The following RYR1 variants were observed in gnomAD, a reference collection of about 807,000 sequenced individuals.
The protein encoded by RYR1 is ryanodine receptor 1, also known as central core disease of muscle.
In RYR1, 342 loss-of-function variants were observed where a neutral mutation model predicts 583.5. That is an observed-to-expected ratio of 0.59 (90% CI 0.54 to 0.64). RYR1 has a LOEUF of 0.64. RYR1 is among the 30% of genes least tolerant of loss of function. The probability of loss-of-function intolerance (pLI) is 0.00; values close to 1 mark genes in which losing one functional copy is unlikely to be tolerated. For synonymous variants in RYR1, 2,791 were observed against 2,822.5 expected (o/e 0.99, Z 0.35); for missense variants, 6,032 against 6,917.2 (o/e 0.87, Z 4.54).
intron 23 of RYR1, among the ~76,000 whole-genome samples, chr19:38,465,404 G>A (rs1339166300): frequency 6.6e-6 from 1 of 152,118 alleles, no homozygotes; most frequent in Non-Finnish European, 1.5e-5. Context: ...GGAGTTTGAG[G>A]CTGCAGTGAG....
At position 38,512,836 on chromosome 19, in the gene RYR1, C is replaced by T. The variant is rs1002764353; in HGVS notation, c.9472+353C>T. The stretch of plus-strand genomic sequence containing the variant: ...AAGAAAAATTTAAAGATTAGCCAGG[C>T]ATGGAGGCACATGCCTGTAATCCCA... On this transcript the variant is annotated intron_variant, in intron 63 of 105. Coordinates refer to ENST00000359596, the MANE Select transcript of RYR1 (RefSeq NM_000540.3). The surrounding 1 kb of genome is among the most constrained non-coding windows in gnomAD (Gnocchi z 5.1). Among the ~76,000 whole-genome samples, 2 of 151,624 alleles carry T rather than the reference C, an allele frequency of 1.3e-5. No individual in the cohort carries two copies. The highest frequency in any genetic ancestry group is 4.8e-5 in the African/African-American group (2 of 41,262).
At chr19:38,468,064 C>CCAT (rs1555774315) in intron 25 of RYR1, among the ~76,000 whole-genome samples, 1 of 54,786 alleles carries the variant, frequency 1.8e-5, no homozygotes, top group Non-Finnish European at 3.9e-5. Context: ...ATCCATCCAT[C>CCAT]CATCCATCCA....
chr19:38,469,060 T>C lies in RYR1; in HGVS notation c.3476T>C (p.Ile1159Thr). 1 of 1,614,116 alleles carries C rather than the reference T, an allele frequency of 6.2e-7. No individual in the cohort carries two copies. Among genetic ancestry groups the C allele is most frequent in the Non-Finnish European group, 8.5e-7 (1 of 1,180,022 alleles). Residue 1159 changes from isoleucine to threonine, a missense_variant, in exon 26 of 106, where the codon ATT becomes ACT. By Grantham distance (89) the Ile-to-Thr change is moderately conservative (BLOSUM62 -1). This residue lies in a region of RYR1 where 2,627 missense variants were observed against 2,961.3 expected (regional missense o/e 0.89). Coordinates refer to ENST00000359596, the MANE Select transcript of RYR1 (RefSeq NM_000540.3). ...ATGATCGACCTCACAGAGAACACCA[T>C]TATCTTCACCCTCAATGGCGAGGTC... is the stretch of plus-strand genomic sequence containing the variant. ...GCMIDLTENTIIFTLNGEVLM... is the reference protein window; with the variant it reads ...GCMIDLTENTTIFTLNGEVLM...
intron 96 of RYR1, among the ~76,000 whole-genome samples, chr19:38,574,901 G>T (rs937280225): frequency 6.6e-6 from 1 of 151,768 alleles, no homozygotes; most frequent in Non-Finnish European, 1.5e-5. Context: ...TTAGCTGGGC[G>T]TGGCAGTGGG....
Position 38,534,833 on chromosome 19 carries a change from G to A in RYR1, c.11359+14G>A, listed in dbSNP as rs754531292. On this transcript the variant is annotated intron_variant, in intron 79 of 105. Transcript: ENST00000359596. ...GTGCCTGCAAAGGTGCCCCTCACAT[G>A]TGCACTGGACTCTTCCGAGTGCACT... 1.2e-6 allele frequency: 2 copies of A among 1,606,172 alleles called. No individual in the cohort carries two copies. The highest frequency in any genetic ancestry group is 1.3e-5 in the African/African-American group (1 of 74,848).
At chr19:38,546,799 A>C (rs1476752103) in intron 88 of RYR1, among the ~76,000 whole-genome samples, 1 of 149,010 alleles carries the variant, frequency 6.7e-6, no homozygotes, top group Non-Finnish European at 1.5e-5. Context: ...TAAAAATACA[A>C]AAATTAGCCT....
In RYR1 at chr19:38,573,352, T is replaced by C. The variant is rs752174901; in HGVS notation, c.14129+45T>C. Reference sequence around the variant, plus strand: ...CTCAGGGTGGCAGCAGGAGGGGACCTGGGTTTCCACCCAGTCCAGGCCTGG... The same window carrying C: ...CTCAGGGTGGCAGCAGGAGGGGACCCGGGTTTCCACCCAGTCCAGGCCTGG... On this transcript the variant is annotated intron_variant, in intron 96 of 105. Transcript: ENST00000359596. 12 of 1,604,406 alleles carry C rather than the reference T, an allele frequency of 7.5e-6. No homozygotes were observed. In the South Asian group the frequency reaches 1.2e-4, roughly 16 times the overall value.
At position 38,586,115 on chromosome 19, in the gene RYR1, G is replaced by T; in HGVS notation, c.14893G>T (p.Gly4965Cys). The change falls in exon 104 of 106, where the codon GGC becomes TGC. Residue 4965 changes from glycine (G) to cysteine (C), a missense_variant. By Grantham distance (159) the Gly-to-Cys change is radical. Around this residue, in one of 11 missense-constraint regions of RYR1, gnomAD observed 189 missense variants for 350.3 expected, o/e 0.54. Transcript: ENST00000359596. ...GACCAAGTGCTTCATCTGTGGAATC[G>T]GCAGTGACTACTTTGATACGACACC... ...METKCFICGI[G>C]SDYFDTTPHG... 6.2e-7 allele frequency: 1 copy of T among 1,614,080 alleles called. No homozygotes were observed. The highest frequency in any genetic ancestry group is 8.5e-7 in the Non-Finnish European group (1 of 1,180,008).
At position 38,525,375 on chromosome 19, in the gene RYR1, G is replaced by C. The variant is rs776013112; in HGVS notation, c.10499G>C (p.Gly3500Ala). 6.2e-7 allele frequency: 1 copy of C among 1,614,006 alleles called. No homozygotes were observed. The highest frequency in any genetic ancestry group is 1.7e-5 in the Admixed American group (1 of 59,998). ...GAACGCACCAAGAAGAAGCGCCGGGGGGACCGGTACTCTGTGCAGACGTCA... is the reference window on the plus strand; with the variant it reads ...GAACGCACCAAGAAGAAGCGCCGGGCGGACCGGTACTCTGTGCAGACGTCA... Reference protein sequence around the residue: ...DQERTKKKRRGDRYSVQTSLI... With the variant: ...DQERTKKKRRADRYSVQTSLI... Residue 3500 changes from glycine (G) to alanine (A), a missense_variant, in exon 71 of 106, where the codon GGG becomes GCG. Physicochemically the swap from Gly to Ala is moderately conservative, Grantham distance 60. Coordinates refer to ENST00000359596, the MANE Select transcript of RYR1 (RefSeq NM_000540.3).
chr19:38,538,101 C>A, intron 84 of RYR1, 141 bp downstream of exon 84: 1 of 799,562 alleles, frequency 1.3e-6, no homozygotes, highest in South Asian at 1.5e-5. Flanking sequence ...ACCTAGCTTT[C>A]AAAATCTCTC....
intron 102 of RYR1, 70 bp from the exon 103 acceptor site, chr19:38,585,868 A>G: frequency 1.3e-6 from 2 of 1,562,470 alleles, no homozygotes; most frequent in East Asian, 2.2e-5. Context: ...CCCTGGAGGT[A>G]GGTAGCTGGA....
chr19:38,494,949 T>C (rs1969746402), intron 39 of RYR1, among the ~76,000 whole-genome samples: 2 of 147,784 alleles, frequency 1.4e-5, no homozygotes, highest in African/African-American at 5.0e-5. Flanking sequence ...GCCTCCCAGG[T>C]TCAAGCAATT....
intron 105 of RYR1, 41 bp from the exon 106 acceptor site, chr19:38,587,284 T>C (rs981359303): frequency 7.5e-7 from 1 of 1,334,162 alleles, no homozygotes; most frequent in Non-Finnish European, 1.1e-6. Flanking sequence ...CTCAAGGGTT[T>C]GAAGATGTGA....
intron 33 of RYR1, among the ~76,000 whole-genome samples, chr19:38,484,513 C>G (rs1356375001): frequency 7.1e-6 from 1 of 140,984 alleles, no homozygotes; most frequent in Non-Finnish European, 1.5e-5. Flanking sequence ...AGCTTTGGGT[C>G]CCTCCTATGT....
Position 38,565,848 on chromosome 19 carries a change from G to T in RYR1, c.13437+77G>T. The T allele has an allele frequency of 7.5e-7, 1 of 1,337,614 alleles. No homozygotes were observed. The highest frequency in any genetic ancestry group is 9.5e-7 in the Non-Finnish European group (1 of 1,047,418). The allele number at this position is 1,337,614 out of a possible 1,614,324, so 82.9% of individuals were successfully genotyped here. The stretch of plus-strand genomic sequence containing the variant: ...GAGGAAGAGAGCCCGGCTGGGTGGA[G>T]ACACACACAGAGGAGAGAACTGGCT... On this transcript the variant is annotated intron_variant, in intron 91 of 105. Transcript: ENST00000359596. The surrounding 1 kb of genome is among the most constrained non-coding windows in gnomAD (Gnocchi z 4.7).
intron 27 of RYR1, among the ~76,000 whole-genome samples, chr19:38,470,673 G>C (rs189350284): frequency 6.6e-6 from 1 of 152,002 alleles, no homozygotes; most frequent in African/African-American, 2.4e-5. Context: ...AACCCAGGAG[G>C]TGGAGGTTGC....
At position 38,475,388 on chromosome 19, in the gene RYR1, C is replaced by T; in HGVS notation, c.4231C>T (p.Pro1411Ser). Residue 1411 changes from proline to serine, a missense_variant, in exon 29 of 106, where the codon CCT (proline) becomes TCT (serine). Coordinates refer to ENST00000359596, the MANE Select transcript of RYR1 (RefSeq NM_000540.3). ...PPATPTLPRL[P>S]HDVVPADNRD... The stretch of plus-strand genomic sequence containing the variant: ...GGCCACCCCCACGCTGCCCCGACTC[C>T]CTCACGACGTGGTGCCTGCAGACAA... The T allele has an allele frequency of 6.8e-6, 11 of 1,613,980 alleles. No individual in the cohort carries two copies. Among genetic ancestry groups the T allele is most frequent in the Non-Finnish European group, 9.3e-6 (11 of 1,179,956 alleles).
intron 49 of RYR1, among the ~76,000 whole-genome samples, chr19:38,503,225 G>T (rs958792806): frequency 1.3e-5 from 2 of 152,096 alleles, no homozygotes; most frequent in Non-Finnish European, 2.9e-5. Context: ...GCCAGCCCCC[G>T]CTTCAATTAG....
chr19:38,485,446 A>C (rs1969231298), intron 33 of RYR1, 144 bp from the exon 34 acceptor site: 2 of 1,130,222 alleles, frequency 1.8e-6, no homozygotes, highest in African/African-American at 1.5e-5. Flanking sequence ...GGGTGAATTG[A>C]TAGATGGAAT....
Sources: allele counts gnomAD v4.1 joint callset (sites outside exome capture counted in the v4.1 genomes callset), GRCh38; gene constraint gnomAD v4.1.1; regional missense constraint gnomAD v4.1.1; non-coding constraint Gnocchi (gnomAD v3.1); transcripts MANE v1.5; gene names NCBI Gene and HGNC (gene_info 2026-07-23, HGNC 2026-07-21).